FBXO25: variants seen among roughly 807,000 people sequenced by gnomAD.
The protein encoded by FBXO25 is F-box protein 25.
A neutral mutation model predicts 51.9 loss-of-function variants in FBXO25; 45 were observed. That is an observed-to-expected ratio of 0.87 (90% confidence interval 0.68 to 1.11). The LOEUF (loss-of-function observed/expected upper bound fraction) is 1.11, where lower values mean the gene tolerates loss of function less well. Ranked by LOEUF, FBXO25 falls within the 50% of genes most tolerant of loss-of-function variation. The probability of loss-of-function intolerance (pLI) is 0.00; values close to 1 mark genes in which losing one functional copy is unlikely to be tolerated. For missense variants in FBXO25, 507 were observed against 428.5 expected (o/e 1.18, Z -1.62); for synonymous variants, 199 against 151.0 (o/e 1.32, Z -2.33).
intron 1 of FBXO25, among the ~76,000 whole-genome samples, chr8:408,388 A>T (rs1006665923): frequency 5.3e-5 from 8 of 152,070 alleles, no homozygotes; most frequent in African/African-American, 1.9e-4. Flanking sequence ...GGTTTTCAGG[A>T]ACTGCTATTA....
chr8:449,221 G>A (rs1472284048), intron 5 of FBXO25, among the ~76,000 whole-genome samples: 2 of 152,340 alleles, frequency 1.3e-5, no homozygotes, highest in African/African-American at 2.4e-5. Flanking sequence ...AAAAAATAAA[G>A]TGGGACAAAA....
chr8:451,287 A>T lies in FBXO25; in HGVS notation c.494A>T (p.Asn165Ile). Reference protein sequence around the residue: ...IVQKVLDDHHNPRLIKDLLQD... With the variant: ...IVQKVLDDHHIPRLIKDLLQD... Reference sequence around the variant, plus strand: ...ATTCCAGTTCTTGATGACCACCACAATCCTCGCTTAATCAAAGATCTTCTG... The same window carrying T: ...ATTCCAGTTCTTGATGACCACCACATTCCTCGCTTAATCAAAGATCTTCTG... The change falls in exon 7 of 10, where the codon AAT (asparagine) becomes ATT (isoleucine). Residue 165 changes from asparagine to isoleucine, a missense_variant. Asn to Ile is a moderately radical substitution (Grantham distance 149). Transcript: ENST00000350302. 1.2e-6 allele frequency: 2 copies of T among 1,609,276 alleles called. No homozygotes were observed. The highest frequency in any genetic ancestry group is 1.7e-6 in the Non-Finnish European group (2 of 1,178,750).
intron 2 of FBXO25, among the ~76,000 whole-genome samples, chr8:429,478 C>A (rs1049044461): frequency 1.3e-5 from 2 of 152,136 alleles, no homozygotes; most frequent in African/African-American, 2.4e-5. Flanking sequence ...AACATGTTTG[C>A]TGTGACGTGT....
At chr8:422,418 C>T (rs1423176148) in intron 2 of FBXO25, among the ~76,000 whole-genome samples, 1 of 152,216 alleles carries the variant, frequency 6.6e-6, no homozygotes, top group Non-Finnish European at 1.5e-5. Flanking sequence ...ACAAACTCTT[C>T]TGGCATGGGG....
Position 418,967 on chromosome 8 carries a change from A to C in FBXO25, c.134+5754A>C, listed in dbSNP as rs183158430. ...GAAGAAAACAGTATTTTCACAATGT[A>C]AAGTAGGCAGATTGCTTACCACACA... On this transcript the variant is annotated intron_variant, in intron 2 of 9. Transcript: ENST00000350302. 1.6e-4 allele frequency among the ~76,000 whole-genome samples: 24 copies of C among 152,320 alleles called. 1 individual carries two copies. The South Asian group carries it at 3.3e-3, about 21-fold the overall frequency.
At chr8:420,158 G>A (rs1441851119) in intron 2 of FBXO25, among the ~76,000 whole-genome samples, 2 of 152,094 alleles carry the variant, frequency 1.3e-5, no homozygotes, top group African/African-American at 4.8e-5. Flanking sequence ...AGATATAACA[G>A]TATGTTCTGG....
At chr8:431,648 G>C (rs1187478225) in intron 3 of FBXO25, among the ~76,000 whole-genome samples, 1 of 152,170 alleles carries the variant, frequency 6.6e-6, no homozygotes, top group African/African-American at 2.4e-5. Context: ...CAAAATAAGA[G>C]ATAGCCAAAC....
Position 433,777 on chromosome 8 carries a change from T to C in FBXO25, c.288+842T>C, listed in dbSNP as rs1797952789. ...AAGTTAAATATTCCAGAAATGTTTG[T>C]AGATGCTCTGAAACTAGTCCAGCTT... is the stretch of plus-strand genomic sequence containing the variant. On this transcript the variant is annotated intron_variant, in intron 4 of 9. Transcript: ENST00000350302. Among the ~76,000 whole-genome samples the C allele has an allele frequency of 1.3e-5, 2 of 152,230 alleles. 1 individual carries two copies. Among genetic ancestry groups the C allele is most frequent in the South Asian group, 4.1e-4 (2 of 4,824 alleles).
At chr8:428,501 C>T (rs376285959) in intron 2 of FBXO25, among the ~76,000 whole-genome samples, 8 of 152,032 alleles carry the variant, frequency 5.3e-5, no homozygotes, top group Middle Eastern at 6.8e-3. Flanking sequence ...TTCCTCTCCT[C>T]TCTTGCACAC....
chr8:436,034 G>A (rs766843822), intron 5 of FBXO25, among the ~76,000 whole-genome samples: 2 of 152,224 alleles, frequency 1.3e-5, no homozygotes, highest in African/African-American at 2.4e-5. Flanking sequence ...TAGAACGGTC[G>A]TGGGATCTTT....
intron 1 of FBXO25, among the ~76,000 whole-genome samples, chr8:409,858 C>G (rs1361959494): frequency 6.6e-6 from 1 of 152,172 alleles, no homozygotes; most frequent in African/African-American, 2.4e-5. Context: ...TAATTACTGA[C>G]AGAATAAAGT....
In FBXO25 at chr8:476,576, C is replaced by T. The variant is rs1800649729; in HGVS notation, c.*7772C>T. 1 of 152,156 alleles carries T rather than the reference C, an allele frequency of 6.6e-6. No homozygotes were observed. The highest frequency in any genetic ancestry group is 1.5e-5 in the Non-Finnish European group (1 of 68,014). The allele number at this position is 152,156 out of a possible 1,614,324, so 9.4% of individuals were successfully genotyped here. A position where few individuals can be genotyped will look rare whatever the true frequency, so the allele number is the denominator to read the frequency against. On this transcript the variant is annotated 3_prime_UTR_variant, in exon 10 of 10. Coordinates refer to ENST00000350302, the MANE Select transcript of FBXO25 (RefSeq NM_183420.2). ...ATTTTCCATTTCTTCATGATTCAATCTTGATAGGCTGTGTGTTTCTAAGAA... is the reference window on the plus strand; with the variant it reads ...ATTTTCCATTTCTTCATGATTCAATTTTGATAGGCTGTGTGTTTCTAAGAA...
chr8:429,895 A>G (rs1797714900), intron 2 of FBXO25, among the ~76,000 whole-genome samples: 2 of 152,250 alleles, frequency 1.3e-5, no homozygotes, highest in African/African-American at 2.4e-5. Context: ...ACAGCCATCT[A>G]GGCCCAGATT....
chr8:454,888 C>G (rs1018931859), intron 7 of FBXO25, among the ~76,000 whole-genome samples: 17 of 47,846 alleles, frequency 3.6e-4, no homozygotes, highest in African/African-American at 2.9e-3. Context: ...GAGACTCCAT[C>G]TCAAAAAAAG....
chr8:410,232 A>G (rs1187472850), intron 1 of FBXO25, among the ~76,000 whole-genome samples: 2 of 152,166 alleles, frequency 1.3e-5, no homozygotes, highest in Non-Finnish European at 2.9e-5. Context: ...CTACATGTAA[A>G]CACACTTTAT....
intron 9 of FBXO25, chr8:467,657 C>T: frequency 3.2e-6 from 5 of 1,547,558 alleles, no homozygotes; most frequent in Admixed American, 1.7e-5. Flanking sequence ...CTAATCTTAA[C>T]TTTTCCTTTT....
At chr8:456,534 G>A (rs17813015) in intron 7 of FBXO25, among the ~76,000 whole-genome samples, 1 of 152,242 alleles carries the variant, frequency 6.6e-6, no homozygotes, top group African/African-American at 2.4e-5. Flanking sequence ...CTCTTGGACT[G>A]TGCAGCTCCA....
At chr8:449,696 C>A (rs973735109) in intron 5 of FBXO25, among the ~76,000 whole-genome samples, 3 of 152,202 alleles carry the variant, frequency 2.0e-5, no homozygotes, top group African/African-American at 4.8e-5. Context: ...AGCTCCATTT[C>A]AGACTCTTGC....
At chr8:408,834 G>A (rs188177289) in intron 1 of FBXO25, among the ~76,000 whole-genome samples, 1 of 152,306 alleles carries the variant, frequency 6.6e-6, no homozygotes, top group Admixed American at 6.5e-5. Flanking sequence ...TCTGAAATAA[G>A]TTGGCATAAA....
Sources: allele counts gnomAD v4.1 joint callset (sites outside exome capture counted in the v4.1 genomes callset), GRCh38; gene constraint gnomAD v4.1.1; transcripts MANE v1.5; gene names NCBI Gene and HGNC (gene_info 2026-07-23, HGNC 2026-07-21).